MCC: variants seen among roughly 807,000 people sequenced by gnomAD.
The protein encoded by MCC is colorectal mutant cancer protein.
MCC carries 90 observed loss-of-function variants against 116.2 expected under a neutral mutation model. That is an observed-to-expected ratio of 0.77 (90% confidence interval 0.65 to 0.92). The LOEUF is 0.92. MCC is among the 40% of genes least tolerant of loss of function. The probability of loss-of-function intolerance (pLI) is 0.00; values close to 1 mark genes in which losing one functional copy is unlikely to be tolerated. For synonymous variants in MCC, 578 were observed against 510.5 expected (o/e 1.13, Z -1.78); for missense variants, 1,516 against 1,312.2 (o/e 1.16, Z -2.40).
intron 1 of MCC, among the ~76,000 whole-genome samples, chr5:113,439,900 T>C (rs1366176704): frequency 6.6e-6 from 1 of 152,220 alleles, no homozygotes; most frequent in Non-Finnish European, 1.5e-5. Context: ...AGTTTTGCTC[T>C]GTTGCCCACA....
intron 3 of MCC, among the ~76,000 whole-genome samples, chr5:113,216,053 T>C (rs1358569649): frequency 1.3e-5 from 2 of 152,194 alleles, no homozygotes; most frequent in Non-Finnish European, 2.9e-5. Flanking sequence ...ATGAGCAAAA[T>C]CTGACCTTCT....
chr5:113,080,069 C>T (rs1330044480), intron 11 of MCC, among the ~76,000 whole-genome samples: 2 of 152,136 alleles, frequency 1.3e-5, no homozygotes, highest in African/African-American at 4.8e-5. Flanking sequence ...GCATCACTGG[C>T]CATCAGAGAA....
intron 3 of MCC, among the ~76,000 whole-genome samples, chr5:113,169,984 C>A (rs1394267489): frequency 6.6e-6 from 1 of 152,136 alleles, no homozygotes; most frequent in African/African-American, 2.4e-5. Context: ...AAAGTACTTC[C>A]TTCTGGGGAT....
At chr5:113,110,195 A>G (rs1208710161) in intron 6 of MCC, among the ~76,000 whole-genome samples, 3 of 152,112 alleles carry the variant, frequency 2.0e-5, no homozygotes, top group Non-Finnish European at 4.4e-5. Context: ...CATTCCTTTA[A>G]GTTTATCTGT....
chr5:113,207,128 T>C (rs1264334612), intron 3 of MCC, among the ~76,000 whole-genome samples: 1 of 152,170 alleles, frequency 6.6e-6, no homozygotes, highest in Non-Finnish European at 1.5e-5. Context: ...GAGACACACA[T>C]ACACACAAAA....
At chr5:113,379,645 G>T (rs1197327392) in intron 2 of MCC, among the ~76,000 whole-genome samples, 1 of 152,066 alleles carries the variant, frequency 6.6e-6, no homozygotes, top group East Asian at 1.9e-4. Context: ...TTGTATTATT[G>T]CTACAAGTAT....
At chr5:113,228,281 G>A (rs1218026657) in intron 3 of MCC, among the ~76,000 whole-genome samples, 1 of 152,106 alleles carries the variant, frequency 6.6e-6, no homozygotes, top group African/African-American at 2.4e-5. Flanking sequence ...GGTCCTGAGG[G>A]ACCCATGCTG....
Position 113,464,846 on chromosome 5 carries a change from G to C in MCC, c.170+23399C>G, listed in dbSNP as rs545758106. Reference sequence around the variant, plus strand: ...ACTCATGGCAGCAATAAAATGTAGGGGGAAAATTAGAGAAACAAAATAAAA... The same window carrying C: ...ACTCATGGCAGCAATAAAATGTAGGCGGAAAATTAGAGAAACAAAATAAAA... On this transcript the variant is annotated intron_variant, in intron 1 of 18. Transcript: ENST00000408903. Among the ~76,000 whole-genome samples, 3 of 151,874 alleles carry C rather than the reference G, an allele frequency of 2.0e-5. No homozygotes were observed. The South Asian group carries it at 6.3e-4, about 32-fold the overall frequency.
Position 113,102,043 on chromosome 5 carries a change from G to C in MCC, c.1192-98C>G, listed in dbSNP as rs1011469445. The stretch of plus-strand genomic sequence containing the variant: ...AACAGGAATAAATGTCCATAGAGGA[G>C]TGTGTTCTAGAACCACTTTGTTATA... On this transcript the variant is annotated intron_variant, in intron 7 of 18. Transcript: ENST00000408903. 6 of 1,178,628 alleles carry C rather than the reference G, an allele frequency of 5.1e-6. No homozygotes were observed. The South Asian group carries it at 7.9e-5, about 16-fold the overall frequency. The allele number at this position is 1,178,628 out of a possible 1,614,324, so 73.0% of individuals were successfully genotyped here.
At chr5:113,416,027 C>T (rs1422960518) in intron 1 of MCC, among the ~76,000 whole-genome samples, 6 of 152,234 alleles carry the variant, frequency 3.9e-5, no homozygotes, top group Non-Finnish European at 5.9e-5. Flanking sequence ...CAGTCAGGTC[C>T]CTAAGCTGCA....
Position 113,085,318 on chromosome 5 carries a change from C to T in MCC, c.1399-8G>A, listed in dbSNP as rs894605986. On this transcript the variant is annotated splice_region_variant and splice_polypyrimidine_tract_variant and intron_variant, in intron 8 of 18. Transcript: ENST00000408903. Reference sequence around the variant, plus strand: ...AGTTTGAAGCTCTCTGACCTGAAATCATAATGCTTTTAGACATAGTTGGTG... The same window carrying T: ...AGTTTGAAGCTCTCTGACCTGAAATTATAATGCTTTTAGACATAGTTGGTG... 1 of 1,604,914 alleles carries T rather than the reference C, an allele frequency of 6.2e-7. No homozygotes were observed. Among genetic ancestry groups the T allele is most frequent in the South Asian group, 1.1e-5 (1 of 90,136 alleles).
intron 3 of MCC, among the ~76,000 whole-genome samples, chr5:113,163,339 A>G (rs1332377520): frequency 6.6e-6 from 1 of 152,242 alleles, no homozygotes; most frequent in African/African-American, 2.4e-5. Flanking sequence ...TGTGGCAGGA[A>G]TAGAATAATC....
intron 4 of MCC, among the ~76,000 whole-genome samples, chr5:113,145,218 TCATGTTGTATGAACATGTA>T (rs1759424642): frequency 6.6e-6 from 1 of 152,194 alleles, no homozygotes; most frequent in African/African-American, 2.4e-5. Flanking sequence ...GTGCGTGTGT[TCATGTTGTATGAACATGTA>T]CAGATGTAGT....
intron 3 of MCC, among the ~76,000 whole-genome samples, chr5:113,299,354 G>C (rs1766797569): frequency 7.3e-6 from 1 of 137,662 alleles, no homozygotes; most frequent in Admixed American, 7.7e-5. Context: ...AAAGAGTAGG[G>C]CTTCTTGCAT....
intron 4 of MCC, among the ~76,000 whole-genome samples, chr5:113,144,832 C>G (rs1759395432): frequency 1.3e-5 from 2 of 152,200 alleles, no homozygotes; most frequent in South Asian, 4.1e-4. Flanking sequence ...CTCATGTGAA[C>G]TACTACTCTT....
At chr5:113,145,739 CA>C (rs1236448166) in intron 4 of MCC, among the ~76,000 whole-genome samples, 4 of 11,032 alleles carry the variant, frequency 3.6e-4, no homozygotes, top group Admixed American at 9.7e-4. Flanking sequence ...AACTTGCTTA[CA>C]CACACACACA....
intron 1 of MCC, among the ~76,000 whole-genome samples, chr5:113,429,384 C>A (rs888580551): frequency 2.0e-5 from 3 of 152,134 alleles, no homozygotes. Context: ...CAACTAGCAT[C>A]TTAATCTTGG....
At chr5:113,076,130 A>C (rs1754438228) in intron 11 of MCC, among the ~76,000 whole-genome samples, 1 of 152,186 alleles carries the variant, frequency 6.6e-6, no homozygotes, top group Non-Finnish European at 1.5e-5. Flanking sequence ...CAAGACCAAG[A>C]ACCCACCAAT....
rs113802365 is a variant in MCC, at chr5:113,176,307, C to T, written c.628-24885G>A. 5.8e-3 allele frequency among the ~76,000 whole-genome samples: 877 copies of T among 152,328 alleles called. 10 individuals carry two copies. Among genetic ancestry groups the T allele is most frequent in the African/African-American group, 0.02 (838 of 41,584 alleles). ...GACTGTATTAACAGCCCAGCACTAG[C>T]AGTGGATGTACAGAGAGGAGCTGTG... is the stretch of plus-strand genomic sequence containing the variant. On this transcript the variant is annotated intron_variant, in intron 3 of 18. Transcript: ENST00000408903.
Sources: allele counts gnomAD v4.1 joint callset (sites outside exome capture counted in the v4.1 genomes callset), GRCh38; gene constraint gnomAD v4.1.1; transcripts MANE v1.5; gene names NCBI Gene and HGNC (gene_info 2026-07-23, HGNC 2026-07-21).